The following SYNPR variants were observed in gnomAD, a reference collection of about 807,000 sequenced individuals.
SYNPR encodes synaptoporin.
A neutral mutation model predicts 32.9 loss-of-function variants in SYNPR; 23 were observed. The ratio of observed to expected loss-of-function variants is 0.70; its 90% confidence interval spans 0.50 to 0.99. SYNPR has a LOEUF of 0.99. Ranked by LOEUF, SYNPR falls within the 50% of genes least tolerant of loss-of-function variation. The pLI, the probability that SYNPR is intolerant of heterozygous loss-of-function variation, is 0.00. For synonymous variants in SYNPR, 146 were observed against 135.9 expected, an observed-to-expected ratio of 1.07 and a Z score of -0.52; for missense variants, 318 against 349.3, an observed-to-expected ratio of 0.91 and a Z score of 0.71.
At chr3:63,512,403 A>G (rs1388631651) in intron 3 of SYNPR, among the ~76,000 whole-genome samples, 1 of 152,178 alleles carries the variant, frequency 6.6e-6, no homozygotes, top group East Asian at 1.9e-4. Context: ...CCTAAAATCT[A>G]TAAATATGTT....
intron 4 of SYNPR, among the ~76,000 whole-genome samples, chr3:63,595,745 A>ATATATATATAATTT (rs1699931150): frequency 4.8e-5 from 2 of 41,936 alleles, no homozygotes; most frequent in African/African-American, 1.9e-4. Context: ...ATATATATAT[A>ATATATATATAATTT]TATATATATA....
At chr3:63,271,996 G>C (rs1479861510) in intron 3 of SYNPR, among the ~76,000 whole-genome samples, 2 of 152,124 alleles carry the variant, frequency 1.3e-5, no homozygotes, top group Non-Finnish European at 2.9e-5. Flanking sequence ...GAACAAGTAA[G>C]AAATGAGAAT....
chr3:63,423,885 C>T (rs964463199), intron 2 of SYNPR: 1 of 152,156 alleles, frequency 6.6e-6, no homozygotes, highest in Non-Finnish European at 1.5e-5. Flanking sequence ...TATAAATAAC[C>T]CTTGTCTAAA....
intron 4 of SYNPR, among the ~76,000 whole-genome samples, chr3:63,592,191 G>A (rs992924945): frequency 1.1e-4 from 17 of 152,270 alleles, no homozygotes; most frequent in Admixed American, 1.1e-3. Flanking sequence ...GAAACTGGGA[G>A]AGGAGCATGG....
intron 1 of SYNPR, among the ~76,000 whole-genome samples, chr3:63,247,214 G>C (rs944917725): frequency 6.6e-6 from 1 of 151,850 alleles, no homozygotes; most frequent in African/African-American, 2.4e-5. Context: ...TGTTAAAATG[G>C]ATCCAAATTC....
chr3:63,261,567 G>A (rs546572282), intron 2 of SYNPR, among the ~76,000 whole-genome samples: 51 of 106,188 alleles, frequency 4.8e-4, no homozygotes, highest in African/African-American at 1.4e-3. Flanking sequence ...GGACTGTCAT[G>A]GGGTGGGGGG....
At chr3:63,479,552 A>G (rs1701004314) in intron 2 of SYNPR, among the ~76,000 whole-genome samples, 1 of 152,176 alleles carries the variant, frequency 6.6e-6, no homozygotes, top group South Asian at 2.1e-4. Context: ...TATTAAAGAT[A>G]AATGGCCAAT....
intron 3 of SYNPR, among the ~76,000 whole-genome samples, chr3:63,521,901 C>G (rs1237415023): frequency 6.6e-6 from 1 of 152,186 alleles, no homozygotes; most frequent in Non-Finnish European, 1.5e-5. Flanking sequence ...CCCAAGCCCT[C>G]CTGCCAGTGC....
At chr3:63,426,734 G>T (rs1216347817) in intron 2 of SYNPR, 1 of 152,080 alleles carries the variant, frequency 6.6e-6, no homozygotes, top group South Asian at 2.1e-4. Context: ...TCCTCTGATA[G>T]GGGGTCACAA....
At chr3:63,211,064 A>G in the SYNPR span, among the ~76,000 whole-genome samples, 8 of 152,106 alleles carry the variant, frequency 5.3e-5, no homozygotes, top group Non-Finnish European at 1.5e-5. Flanking sequence ...TGGGAAAGGT[A>G]CCATAAGACC....
chr3:63,234,194 A>C (rs2086184544), intron 1 of SYNPR, among the ~76,000 whole-genome samples: 1 of 152,152 alleles, frequency 6.6e-6, no homozygotes, highest in African/African-American at 2.4e-5. Flanking sequence ...GCAGCAGACA[A>C]AGAGAGAGAG....
intron 2 of SYNPR, among the ~76,000 whole-genome samples, chr3:63,412,058 G>A (rs1470674663): frequency 1.3e-5 from 2 of 151,866 alleles, no homozygotes; most frequent in East Asian, 1.9e-4. Context: ...AAGAGGAGTA[G>A]AGTAGATTGG....
In SYNPR at chr3:63,556,613, G is replaced by A; in HGVS notation, c.280G>A (p.Asp94Asn). ...ACGGCAGAAGCTGGCATTGATTGGT[G>A]ACTCCTCGTCTTCAGCAGAGTTCTT... ...KERQKLALIG[D>N]SSSSAEFFVT... is the part of the protein sequence containing the mutation. The change falls in exon 4 of 6, where the codon GAC becomes AAC. Residue 94 changes from aspartate to asparagine, a missense_variant. Coordinates refer to ENST00000478300, the MANE Select transcript of SYNPR (RefSeq NM_001130003.2). The A allele has an allele frequency of 1.2e-6, 2 of 1,613,810 alleles. No individual in the cohort carries two copies.
chr3:63,413,615 C>T (rs17393569), intron 2 of SYNPR, among the ~76,000 whole-genome samples: 1 of 152,168 alleles, frequency 6.6e-6, no homozygotes, highest in Admixed American at 6.5e-5. Context: ...ACCACTTTGG[C>T]AGAGTACAGT....
chr3:63,276,135 T>C (rs368659354), upstream of SYNPR, among the ~76,000 whole-genome samples: 7 of 152,204 alleles, frequency 4.6e-5, no homozygotes, highest in East Asian at 3.8e-4. Flanking sequence ...ATAGAAATTA[T>C]ATTCATCGTG....
At chr3:63,252,099 G>C (rs571289121) in intron 1 of SYNPR, among the ~76,000 whole-genome samples, 1 of 151,996 alleles carries the variant, frequency 6.6e-6, no homozygotes, top group East Asian at 2.0e-4. Flanking sequence ...TGATATAAAA[G>C]ATCTGCAAGA....
chr3:63,595,786 G>GATATATATATATAATT (rs1559546295), intron 4 of SYNPR, among the ~76,000 whole-genome samples: 1 of 20,458 alleles, frequency 4.9e-5, no homozygotes, highest in South Asian at 1.9e-3. Context: ...TATATATATA[G>GATATATATATATAATT]TTATATATAT....
chr3:63,476,107 G>GA (rs1700897862), intron 2 of SYNPR, among the ~76,000 whole-genome samples: 1 of 120,832 alleles, frequency 8.3e-6, no homozygotes, highest in Admixed American at 8.3e-5. Context: ...AGGAAGGGAG[G>GA]GGGGAGGAAG....
intron 2 of SYNPR, among the ~76,000 whole-genome samples, chr3:63,399,920 C>A (rs536635068): frequency 9.9e-5 from 15 of 152,134 alleles, no homozygotes; most frequent in African/African-American, 3.4e-4. Flanking sequence ...ATTTTTTGCT[C>A]ATTATTTTGT....
Sources: gnomAD v4.1 joint callset for allele counts (sites outside exome capture counted in the v4.1 genomes callset) on GRCh38, gnomAD v4.1.1 for gene constraint, MANE v1.5 for transcripts, NCBI Gene and HGNC (gene_info 2026-07-23, HGNC 2026-07-21) for gene names.